ABHD12: variants seen among roughly 807,000 people sequenced by gnomAD.
ABHD12 encodes abhydrolase domain containing 12, lysophospholipase, also known as lysophosphatidylserine lipase ABHD12.
In ABHD12, 43 loss-of-function variants were observed where a neutral mutation model predicts 58.3. That is an observed-to-expected ratio of 0.74 (90% CI 0.58 to 0.95). The LOEUF is 0.95. Ranked by LOEUF, ABHD12 falls within the 40% of genes least tolerant of loss-of-function variation. The pLI, the probability that ABHD12 is intolerant of heterozygous loss-of-function variation, is 0.00. For missense variants in ABHD12, 539 were observed against 537.2 expected, an observed-to-expected ratio of 1.00 and a Z score of -0.03; for synonymous variants, 219 against 211.2, an observed-to-expected ratio of 1.04 and a Z score of -0.32.
intron 5 of ABHD12, 138 bp downstream of exon 5, chr20:25,316,910 G>A (rs2088972555): frequency 1.3e-6 from 1 of 796,200 alleles, no homozygotes; most frequent in Non-Finnish European, 2.1e-6. Flanking sequence ...CTGGGCAACA[G>A]AGGAGGAGGA....
At chr20:25,373,912 T>C (rs1452541892) in intron 1 of ABHD12, among the ~76,000 whole-genome samples, 2 of 152,244 alleles carry the variant, frequency 1.3e-5, no homozygotes, top group African/African-American at 4.8e-5. Context: ...AGTTGTCCCA[T>C]AGCATAGTGA....
intron 1 of ABHD12, among the ~76,000 whole-genome samples, chr20:25,388,227 C>T (rs1237812295): frequency 1.3e-5 from 2 of 152,040 alleles, no homozygotes; most frequent in Non-Finnish European, 2.9e-5. Flanking sequence ...GCGGAAGGAT[C>T]CAAAGAAGGA....
intron 12 of ABHD12, 152 bp downstream of exon 12, chr20:25,302,067 C>T (rs1290695240): frequency 2.6e-6 from 3 of 1,155,830 alleles, no homozygotes; most frequent in Non-Finnish European, 3.7e-6. Context: ...CCTCAAACCC[C>T]TCTGCCAAGG....
At chr20:25,362,188 G>A (rs2089758782) in intron 1 of ABHD12, among the ~76,000 whole-genome samples, 1 of 151,820 alleles carries the variant, frequency 6.6e-6, no homozygotes, top group Admixed American at 6.6e-5. Context: ...GCTAAGGCAG[G>A]AGAAGCACTT....
intron 1 of ABHD12, among the ~76,000 whole-genome samples, chr20:25,371,717 T>C (rs2089902057): frequency 6.6e-6 from 1 of 152,158 alleles, no homozygotes; most frequent in Admixed American, 6.5e-5. Flanking sequence ...CTCATTTCCC[T>C]TCCTCACAGT....
chr20:25,368,558 T>G (rs1185889326), intron 1 of ABHD12: 2 of 1,407,896 alleles, frequency 1.4e-6, no homozygotes, highest in African/African-American at 2.8e-5. Context: ...ACCAGTGCCA[T>G]TATGGGTGTG....
chr20:25,307,252 G>A (rs1377654990), intron 9 of ABHD12, among the ~76,000 whole-genome samples: 2 of 152,214 alleles, frequency 1.3e-5, no homozygotes, highest in Non-Finnish European at 2.9e-5. Context: ...CACCAGGGCC[G>A]CCACCCCTGA....
In ABHD12 at chr20:25,302,263, C is replaced by T. The variant is rs146028040; in HGVS notation, c.1113G>A (p.Arg371=). The change falls in exon 12 of 13, where the codon AGG becomes AGA. Residue 371 remains arginine, a synonymous_variant. Coordinates refer to ENST00000339157, the MANE Select transcript of ABHD12 (RefSeq NM_001042472.3). ...CAGGGCTCTTGTAAATGTATTTGTG[C>T]CTGTAGCCAAGGTCTGAATGAAAGG... ...FVPFHSDLGY[R]HKYIYKSPEL... 2.4e-4 allele frequency: 395 copies of T among 1,613,774 alleles called. 2 individuals are homozygous for T. The African/African-American group carries it at 4.4e-3, about 18-fold the overall frequency.
chr20:25,361,202 C>G (rs1327554192), intron 1 of ABHD12, among the ~76,000 whole-genome samples: 1 of 152,198 alleles, frequency 6.6e-6, no homozygotes, highest in Non-Finnish European at 1.5e-5. Flanking sequence ...CACTCAGGCC[C>G]CTGCACTCTG....
intron 1 of ABHD12, among the ~76,000 whole-genome samples, chr20:25,360,822 G>A (rs1313987898): frequency 6.6e-6 from 1 of 152,178 alleles, no homozygotes. Context: ...CCAGGATCAG[G>A]CGGACAACTG....
downstream of ABHD12, among the ~76,000 whole-genome samples, chr20:25,298,345 A>G (rs1476889463): frequency 6.6e-6 from 1 of 151,938 alleles, no homozygotes; most frequent in Admixed American, 6.6e-5. Flanking sequence ...GGCTCGCTGC[A>G]ACCTCCGCCT....
At position 25,312,548 on chromosome 20, in the gene ABHD12, G is replaced by A. The variant is rs570420426; in HGVS notation, c.619+2377C>T. Among the ~76,000 whole-genome samples the A allele has an allele frequency of 3.3e-5, 5 of 152,152 alleles. 1 individual carries two copies. Among genetic ancestry groups the A allele is most frequent in the South Asian group, 4.1e-4 (2 of 4,826 alleles). On this transcript the variant is annotated intron_variant, in intron 6 of 12. Transcript: ENST00000339157. The stretch of plus-strand genomic sequence containing the variant: ...TCACTACAACCTCCACCTCCCAGCC[G>A]CCTGCTTTGGCCTCCCAAAGTGCCG...
At chr20:25,349,639 C>T (rs992789281) in intron 1 of ABHD12, among the ~76,000 whole-genome samples, 1 of 152,060 alleles carries the variant, frequency 6.6e-6, no homozygotes. Context: ...TGAAATAAGC[C>T]AGACACAAAG....
intron 1 of ABHD12, among the ~76,000 whole-genome samples, chr20:25,362,124 GAA>G (rs1402050502): frequency 1.4e-5 from 2 of 145,468 alleles, no homozygotes; most frequent in African/African-American, 5.1e-5. Context: ...AAAATACACA[GAA>G]AAAATTAGCT....
intron 2 of ABHD12, among the ~76,000 whole-genome samples, chr20:25,326,971 T>C (rs1480332570): frequency 6.6e-6 from 1 of 152,216 alleles, no homozygotes; most frequent in Non-Finnish European, 1.5e-5. Context: ...TAGATGACAA[T>C]AGTAATGCCT....
Position 25,306,916 on chromosome 20 carries a change from C to A in ABHD12, c.868-1G>T. Reference sequence around the variant, plus strand: ...CAAACCCAGGGAAGTATCGATATATCTGGAGACAAGATGGAAACCATTTTC... The same window carrying A: ...CAAACCCAGGGAAGTATCGATATATATGGAGACAAGATGGAAACCATTTTC... On this transcript the variant is annotated splice_acceptor_variant, in intron 9 of 12. Transcript: ENST00000339157. LOFTEE classifies it high-confidence loss of function. 1 of 1,606,544 alleles carries A rather than the reference C, an allele frequency of 6.2e-7. No homozygotes were observed.
chr20:25,388,381 T>TAG (rs1367769680), intron 1 of ABHD12, among the ~76,000 whole-genome samples: 2 of 152,184 alleles, frequency 1.3e-5, no homozygotes, highest in Non-Finnish European at 2.9e-5. Context: ...GCTCCTGTTC[T>TAG]CATGGCGCTT....
At chr20:25,338,262 A>G (rs2089405258) in intron 2 of ABHD12, among the ~76,000 whole-genome samples, 1 of 151,930 alleles carries the variant, frequency 6.6e-6, no homozygotes, top group African/African-American at 2.4e-5. Flanking sequence ...CCTCAGCAAT[A>G]TCAGGCCCAG....
chr20:25,341,548 G>C (rs1202611572), intron 1 of ABHD12, among the ~76,000 whole-genome samples: 1 of 152,142 alleles, frequency 6.6e-6, no homozygotes, highest in Non-Finnish European at 1.5e-5. Flanking sequence ...TCTGAGCCTT[G>C]TTCTCCTTAA....
Sources: allele counts gnomAD v4.1 joint callset (sites outside exome capture counted in the v4.1 genomes callset), GRCh38; gene constraint gnomAD v4.1.1; transcripts MANE v1.5; gene names NCBI Gene and HGNC (gene_info 2026-07-23, HGNC 2026-07-21).